The following MAPT variants were observed in gnomAD, a reference collection of about 807,000 sequenced individuals.
The protein encoded by MAPT is microtubule associated protein tau, also known as microtubule-associated protein tau.
Under a neutral mutation model 67.9 loss-of-function variants are expected in MAPT, and 34 were observed. The ratio of observed to expected loss-of-function variants is 0.50; its 90% CI spans 0.38 to 0.67. The LOEUF (loss-of-function observed/expected upper bound fraction) is 0.67, where lower values mean the gene tolerates loss of function less well. MAPT is among the 30% of genes least tolerant of loss of function. The pLI, the probability that MAPT is intolerant of heterozygous loss-of-function variation, is 0.00. For missense variants in MAPT, 881 were observed against 1,115.2 expected (o/e 0.79, Z 2.99); for synonymous variants, 456 against 464.5 (o/e 0.98, Z 0.23).
intron 1 of MAPT, among the ~76,000 whole-genome samples, chr17:45,961,691 A>G (rs1403546633): frequency 1.3e-5 from 2 of 151,734 alleles, no homozygotes; most frequent in African/African-American, 4.8e-5. Flanking sequence ...AGCAGCATTG[A>G]TTTTTTTAAT....
intron 1 of MAPT, among the ~76,000 whole-genome samples, chr17:45,948,364 C>T (rs1044567326): frequency 6.6e-5 from 10 of 152,114 alleles, no homozygotes; most frequent in African/African-American, 2.2e-4. Flanking sequence ...GAGGGATTTC[C>T]GAGAGACTGT....
chr17:46,023,854 AAAC>A (rs2076678660), intron 12 of MAPT, 99 bp from the exon 13 acceptor site: 6 of 981,414 alleles, frequency 6.1e-6, no homozygotes, highest in Non-Finnish European at 9.7e-6. Context: ...AACAAACAAA[AAAC>A]AGTCCCTGGC....
Position 45,982,988 on chromosome 17 carries a change from G to A in MAPT, c.409G>A (p.Gly137Arg), listed in dbSNP as rs187710114. ...EASGVSGPCLGEKEPEAPVPL... is the reference protein window; with the variant it reads ...EASGVSGPCLREKEPEAPVPL... ...CTCTGGGGTCTCTGGGCCGTGCCTCGGGGAGAAAGAGCCAGAAGCTCCCGT... is the reference window on the plus strand; with the variant it reads ...CTCTGGGGTCTCTGGGCCGTGCCTCAGGGAGAAAGAGCCAGAAGCTCCCGT... Residue 137 changes from glycine (G) to arginine (R), a missense_variant, in exon 5 of 13, where the codon GGG becomes AGG. Physicochemically the swap from Gly to Arg is moderately radical, Grantham distance 125 (BLOSUM62 -2). Transcript: ENST00000262410. 2.4e-4 allele frequency: 347 copies of A among 1,439,652 alleles called. 2 individuals are homozygous for A. In the African/African-American group the frequency reaches 4.4e-3, roughly 18 times the overall value. The allele number at this position is 1,439,652 out of a possible 1,614,324, so 89.2% of individuals were successfully genotyped here.
chr17:45,933,094 CAAAA>C (rs796738187), intron 1 of MAPT, among the ~76,000 whole-genome samples: 22 of 138,648 alleles, frequency 1.6e-4, no homozygotes, highest in African/African-American at 5.4e-4. Flanking sequence ...AACAAACAAA[CAAAA>C]AAAAAAACCT....
At chr17:45,947,492 A>G (rs969037287) in intron 1 of MAPT, among the ~76,000 whole-genome samples, 5 of 150,876 alleles carry the variant, frequency 3.3e-5, no homozygotes, top group African/African-American at 1.2e-4. Context: ...GGTTTAAGCA[A>G]TTCTCCTGCC....
chr17:45,899,062 G>A (rs1031246984), intron 1 of MAPT, among the ~76,000 whole-genome samples: 2 of 152,138 alleles, frequency 1.3e-5, no homozygotes, highest in Admixed American at 6.6e-5. Flanking sequence ...AGCAGGTGAC[G>A]GGAAGAGAAG....
chr17:46,020,237 G>A (rs2076442854), intron 12 of MAPT, among the ~76,000 whole-genome samples: 1 of 152,168 alleles, frequency 6.6e-6, no homozygotes, highest in African/African-American at 2.4e-5. Context: ...GTATCCACAT[G>A]AGGCTGCTGG....
chr17:45,935,546 A>G (rs1477699766), intron 1 of MAPT, among the ~76,000 whole-genome samples: 2 of 152,236 alleles, frequency 1.3e-5, no homozygotes, highest in Admixed American at 6.5e-5. Context: ...CTCAGGATGC[A>G]TGTGCTTCAT....
chr17:45,996,288 G>C lies in MAPT; in HGVS notation c.1733-111G>C. 1 of 1,252,926 alleles carries C rather than the reference G, an allele frequency of 8.0e-7. No individual in the cohort carries two copies. The highest frequency in any genetic ancestry group is 1.2e-5 in the South Asian group (1 of 82,680). 77.6% of individuals were successfully genotyped at this position (1,252,926 alleles called of 1,614,324 possible). A position where few individuals can be genotyped will look rare whatever the true frequency, so the allele number is the denominator to read the frequency against. On this transcript the variant is annotated intron_variant, in intron 8 of 12. Coordinates refer to ENST00000262410, the MANE Select transcript of MAPT (RefSeq NM_001377265.1). The surrounding 1 kb of genome is among the most constrained non-coding windows in gnomAD (Gnocchi z 4.5). Reference sequence around the variant, plus strand: ...TGCGCTTCCAACCTGGCTTCCACCTGCCTAACCCAGTGGTGAGCCTGGGAA... The same window carrying C: ...TGCGCTTCCAACCTGGCTTCCACCTCCCTAACCCAGTGGTGAGCCTGGGAA...
intron 1 of MAPT, among the ~76,000 whole-genome samples, chr17:45,903,128 G>A (rs2063726871): frequency 1.3e-5 from 2 of 152,112 alleles, no homozygotes; most frequent in South Asian, 2.1e-4. Context: ...CTCTACAGAC[G>A]CCACAGAATG....
At chr17:45,919,524 C>T (rs935538593) in intron 1 of MAPT, among the ~76,000 whole-genome samples, 1 of 152,234 alleles carries the variant, frequency 6.6e-6, no homozygotes, top group Non-Finnish European at 1.5e-5. Flanking sequence ...TCCGATGACC[C>T]TGTCTCCTTT....
intron 1 of MAPT, among the ~76,000 whole-genome samples, chr17:45,948,891 A>G (rs2068767598): frequency 6.6e-6 from 1 of 152,098 alleles, no homozygotes; most frequent in Non-Finnish European, 1.5e-5. Flanking sequence ...GCCAAAAATT[A>G]CCTTGGAGAA....
Position 45,974,270 on chromosome 17 carries a change from T to C in MAPT, c.220+2325T>C, listed in dbSNP as rs1214151687. On this transcript the variant is annotated intron_variant, in intron 3 of 12. Coordinates refer to ENST00000262410, the MANE Select transcript of MAPT (RefSeq NM_001377265.1). ...TACTTCAGGGCTGCTTTCTGGCATA[T>C]GGCTGATCCCCTCCTCACTCCTCCT... 5 of 778,704 alleles carry C rather than the reference T, an allele frequency of 6.4e-6. No homozygotes were observed. The African/African-American group carries it at 8.5e-5, about 13-fold the overall frequency. 48.2% of individuals were successfully genotyped at this position (778,704 alleles called of 1,614,324 possible). A position where few individuals can be genotyped will look rare whatever the true frequency, so the allele number is the denominator to read the frequency against.
chr17:45,905,610 G>A (rs1394776228), intron 1 of MAPT, among the ~76,000 whole-genome samples: 1 of 152,146 alleles, frequency 6.6e-6, no homozygotes, highest in Non-Finnish European at 1.5e-5. Flanking sequence ...CTGAATTCCA[G>A]AAGCAAGCTA....
At chr17:46,013,496 C>T (rs956820725) in intron 10 of MAPT, among the ~76,000 whole-genome samples, 2 of 152,232 alleles carry the variant, frequency 1.3e-5, no homozygotes, top group Admixed American at 6.5e-5. Context: ...TGCGTCCGCT[C>T]GAGCTTACTG....
At chr17:45,955,711 C>T (rs758453923) in intron 1 of MAPT, among the ~76,000 whole-genome samples, 2 of 151,910 alleles carry the variant, frequency 1.3e-5, no homozygotes, top group East Asian at 1.9e-4. Context: ...ACGGCTCACA[C>T]GGCACAAACA....
intron 3 of MAPT, chr17:45,978,042 G>A: frequency 2.9e-6 from 1 of 343,988 alleles, no homozygotes; most frequent in Non-Finnish European, 5.5e-6. Context: ...CCATGGCTCA[G>A]CAGCAAATTG....
chr17:46,011,881 G>C (rs895112005), intron 10 of MAPT, among the ~76,000 whole-genome samples: 3 of 152,208 alleles, frequency 2.0e-5, no homozygotes, highest in Non-Finnish European at 4.4e-5. Context: ...GAGTCCCACA[G>C]GTAGCAAGCG....
At chr17:46,004,883 A>T (rs113201171) in intron 9 of MAPT, among the ~76,000 whole-genome samples, 21,765 of 152,246 alleles carry the variant, frequency 0.14, 2,135 homozygotes, top group Non-Finnish European at 0.22. Context: ...TCCCGGGTTC[A>T]TGCTATTCTC....
Sources: gnomAD v4.1 joint callset for allele counts (sites outside exome capture counted in the v4.1 genomes callset) on GRCh38, gnomAD v4.1.1 for gene constraint, Gnocchi (gnomAD v3.1) non-coding constraint, MANE v1.5 for transcripts, NCBI Gene and HGNC (gene_info 2026-07-23, HGNC 2026-07-21) for gene names.